The following SPECC1 variants were observed in gnomAD, a reference collection of about 807,000 sequenced individuals.
The protein encoded by SPECC1 is cytospin-B.
In SPECC1, 62 loss-of-function variants were observed where a neutral mutation model predicts 104.1. That is an observed-to-expected ratio of 0.60 (90% confidence interval 0.49 to 0.74). The LOEUF is 0.74. Ranked by LOEUF, SPECC1 falls within the 30% of genes least tolerant of loss-of-function variation. The pLI is 0.00. For synonymous variants in SPECC1, 513 were observed against 501.6 expected (o/e 1.02, Z -0.30); for missense variants, 1,306 against 1,310.5 (o/e 1.00, Z 0.05).
intron 3 of SPECC1, among the ~76,000 whole-genome samples, chr17:20,179,656 A>G (rs2034728265): frequency 6.6e-6 from 1 of 152,258 alleles, no homozygotes; most frequent in Admixed American, 6.5e-5. Context: ...AGGGCAAAAG[A>G]AGAATATTTT....
At chr17:20,112,114 C>T (rs950756690) in intron 3 of SPECC1, 10 of 764,044 alleles carry the variant, frequency 1.3e-5, no homozygotes, top group Non-Finnish European at 2.2e-5. Flanking sequence ...GCTGGAGGGG[C>T]GGTACTTTAC....
intron 1 of SPECC1, among the ~76,000 whole-genome samples, chr17:20,028,126 T>G (rs2044666464): frequency 6.6e-6 from 1 of 152,250 alleles, no homozygotes. Context: ...CTTCATTTTT[T>G]TTTTCATGTG....
At chr17:20,193,029 C>T (rs1413699048) in intron 3 of SPECC1, among the ~76,000 whole-genome samples, 1 of 152,154 alleles carries the variant, frequency 6.6e-6, no homozygotes, top group African/African-American at 2.4e-5. Flanking sequence ...GCCCTGAGGG[C>T]TGCTGGTTGC....
At chr17:20,237,401 G>T (rs1197348501) in intron 7 of SPECC1, 3 of 527,632 alleles carry the variant, frequency 5.7e-6, no homozygotes, top group Non-Finnish European at 7.5e-6. Context: ...TGCAACCTCT[G>T]CCTCCCGGGT....
intron 9 of SPECC1, among the ~76,000 whole-genome samples, chr17:20,252,369 AC>A (rs2039665273): frequency 6.6e-6 from 1 of 152,128 alleles, no homozygotes; most frequent in South Asian, 2.1e-4. Flanking sequence ...TGATCCCATC[AC>A]CCAAGTAGTG....
chr17:20,303,740 G>A lies in SPECC1; in HGVS notation c.3058-2283G>A, dbSNP rs138628533. ...GACTTTGACAGGCGGATCACCTGAG[G>A]TCAGGAGTTCAAGACCAGCCTGGCC... is the stretch of plus-strand genomic sequence containing the variant. On this transcript the variant is annotated intron_variant, in intron 13 of 14. Coordinates refer to ENST00000395527, the MANE Select transcript of SPECC1 (RefSeq NM_001243439.2). Among the ~76,000 whole-genome samples the A allele has an allele frequency of 1.6e-3, 236 of 152,052 alleles. 2 individuals carry two copies. Among genetic ancestry groups the A allele is most frequent in the African/African-American group, 5.3e-3 (221 of 41,472 alleles).
intron 3 of SPECC1, among the ~76,000 whole-genome samples, chr17:20,147,504 T>C (rs1039472113): frequency 1.3e-5 from 2 of 152,212 alleles, no homozygotes; most frequent in African/African-American, 4.8e-5. Context: ...TTCTTATCTT[T>C]AGAAATCCAT....
intron 9 of SPECC1, among the ~76,000 whole-genome samples, chr17:20,248,695 C>G (rs1360834171): frequency 6.6e-6 from 1 of 152,018 alleles, no homozygotes; most frequent in South Asian, 2.1e-4. Context: ...ACTTTGCCTG[C>G]TTTTCTTTTG....
At chr17:20,115,868 A>G (rs1041103742) in intron 3 of SPECC1, among the ~76,000 whole-genome samples, 1 of 152,240 alleles carries the variant, frequency 6.6e-6, no homozygotes, top group Non-Finnish European at 1.5e-5. Flanking sequence ...AATTTTCGGT[A>G]GATACTAACC....
At chr17:20,093,251 T>C (rs1381865202) in intron 1 of SPECC1, among the ~76,000 whole-genome samples, 2 of 152,206 alleles carry the variant, frequency 1.3e-5, no homozygotes, top group African/African-American at 2.4e-5. Flanking sequence ...TGGAGTCCTC[T>C]TGCAGTGCCC....
chr17:20,146,299 G>T (rs2031455118), intron 3 of SPECC1, among the ~76,000 whole-genome samples: 1 of 152,180 alleles, frequency 6.6e-6, no homozygotes, highest in Admixed American at 6.5e-5. Context: ...ATGATGTAGT[G>T]TAGCTGAAAA....
intron 9 of SPECC1, among the ~76,000 whole-genome samples, chr17:20,252,415 C>T (rs2039666955): frequency 6.6e-6 from 1 of 152,078 alleles, no homozygotes; most frequent in Non-Finnish European, 1.5e-5. Context: ...GTGCTTGCCT[C>T]CCCCTCCTCT....
chr17:20,172,699 A>G (rs141162362), intron 3 of SPECC1, among the ~76,000 whole-genome samples: 80 of 152,286 alleles, frequency 5.3e-4, no homozygotes, highest in African/African-American at 1.9e-3. Flanking sequence ...GGGAAGAAAC[A>G]TGGAAGTGTG....
intron 3 of SPECC1, among the ~76,000 whole-genome samples, chr17:20,157,507 T>TGGTAAAGGATTGGTTC (rs896128845): frequency 1.3e-5 from 2 of 152,338 alleles, no homozygotes; most frequent in Admixed American, 1.3e-4. Flanking sequence ...ATAACCCTGT[T>TGGTAAAGGATTGGTTC]GGTAAAGGAT....
intron 13 of SPECC1, among the ~76,000 whole-genome samples, chr17:20,300,294 G>T (rs964144008): frequency 2.4e-4 from 36 of 152,202 alleles, no homozygotes; most frequent in African/African-American, 7.2e-4. Context: ...GGGGCCACAG[G>T]CTTCAGCGGC....
chr17:20,098,591 C>T (rs1291374268), intron 2 of SPECC1, among the ~76,000 whole-genome samples: 1 of 152,210 alleles, frequency 6.6e-6, no homozygotes, highest in Non-Finnish European at 1.5e-5. Context: ...TGTGCCCTGG[C>T]TCCTGGAGCT....
At chr17:20,306,630 T>G (rs8071665) in intron 14 of SPECC1, among the ~76,000 whole-genome samples, 1 of 152,146 alleles carries the variant, frequency 6.6e-6, no homozygotes, top group East Asian at 1.9e-4. Context: ...GGAAGCTGGT[T>G]TCCACCTGGG....
chr17:20,078,138 C>T (rs1169008775), intron 1 of SPECC1, among the ~76,000 whole-genome samples: 1 of 150,356 alleles, frequency 6.7e-6, no homozygotes, highest in East Asian at 2.0e-4. Context: ...CATTCTTTCC[C>T]TCTATGGCTT....
intron 1 of SPECC1, among the ~76,000 whole-genome samples, chr17:20,038,679 C>T (rs1010716577): frequency 5.9e-5 from 9 of 152,094 alleles, no homozygotes; most frequent in South Asian, 2.1e-4. Flanking sequence ...GGATCACAGG[C>T]GTGAGCCACC....
Sources: allele counts gnomAD v4.1 joint callset (sites outside exome capture counted in the v4.1 genomes callset), GRCh38; gene constraint gnomAD v4.1.1; transcripts MANE v1.5; gene names NCBI Gene and HGNC (gene_info 2026-07-23, HGNC 2026-07-21).